CCDC91: variants seen among roughly 807,000 people sequenced by gnomAD.
CCDC91 encodes the protein coiled-coil domain-containing protein 91.
CCDC91 carries 48 observed loss-of-function variants against 63.2 expected under a neutral mutation model. The ratio of observed to expected loss-of-function variants is 0.76; its 90% confidence interval spans 0.60 to 0.97. The LOEUF is 0.97. CCDC91 is among the 50% of genes least tolerant of loss of function. CCDC91 has a pLI of 0.00. For missense variants in CCDC91, 500 were observed against 494.6 expected, an observed-to-expected ratio of 1.01 and a Z score of -0.10; for synonymous variants, 167 against 165.8, an observed-to-expected ratio of 1.01 and a Z score of -0.06.
chr12:28,293,364 A>G (rs1592225675), intron 3 of CCDC91, among the ~76,000 whole-genome samples: 2 of 152,214 alleles, frequency 1.3e-5, no homozygotes, highest in South Asian at 4.1e-4. Context: ...ATATTCACAT[A>G]CTGTAACTAG....
chr12:28,430,038 T>A (rs10843168), intron 8 of CCDC91, among the ~76,000 whole-genome samples: 31,082 of 151,906 alleles, frequency 0.2, 4,168 homozygotes, highest in Non-Finnish European at 0.3. Flanking sequence ...TTTTGTTGGG[T>A]GTCTTAGTAC....
At chr12:28,227,346 A>G (rs184843852) in intron 1 of CCDC91, among the ~76,000 whole-genome samples, 1 of 152,188 alleles carries the variant, frequency 6.6e-6, no homozygotes, top group African/African-American at 2.4e-5. Context: ...ATGACCATGG[A>G]TATTTATTTT....
At chr12:28,325,479 T>C (rs1940903102) in intron 6 of CCDC91, among the ~76,000 whole-genome samples, 1 of 152,002 alleles carries the variant, frequency 6.6e-6, no homozygotes, top group African/African-American at 2.4e-5. Context: ...AGAAAGACAG[T>C]GTTTAATAAA....
chr12:28,362,597 A>C (rs557163337), intron 7 of CCDC91, 82 bp downstream of exon 7: 1 of 742,496 alleles, frequency 1.3e-6, no homozygotes, highest in East Asian at 3.0e-5. Flanking sequence ...GTGCAAACAT[A>C]TACAAATTAT....
Position 28,513,954 on chromosome 12 carries a change from T to A in CCDC91, c.1215+29789T>A, listed in dbSNP as rs180816856. Among the ~76,000 whole-genome samples, 59 of 152,050 alleles carry A rather than the reference T, an allele frequency of 3.9e-4. No individual in the cohort carries two copies. The East Asian group carries it at 0.01, about 26-fold the overall frequency. On this transcript the variant is annotated intron_variant, in intron 12 of 12. Transcript: ENST00000536442. ...GCATGTGTCTTTATGATAGAATGAT[T>A]CATTTTCCTTTGAGTGTATACCTAG...
rs1283899265 is a variant in CCDC91, at chr12:28,476,479, G to A, written c.1102-7573G>A. On this transcript the variant is annotated intron_variant, in intron 11 of 12. Coordinates refer to ENST00000536442, the MANE Select transcript of CCDC91 (RefSeq NM_018318.5). ...GGACACATTTAAAGCATTGTGTAGA[G>A]GGATATTTATAGCACTAAATGCCCA... is the stretch of plus-strand genomic sequence containing the variant. Among the ~76,000 whole-genome samples, 3 of 152,070 alleles carry A rather than the reference G, an allele frequency of 2.0e-5. 1 individual carries two copies. Among genetic ancestry groups the A allele is most frequent in the African/African-American group, 7.2e-5 (3 of 41,398 alleles).
intron 11 of CCDC91, among the ~76,000 whole-genome samples, chr12:28,463,842 G>A (rs1950424343): frequency 6.6e-6 from 1 of 152,104 alleles, no homozygotes; most frequent in Admixed American, 6.6e-5. Flanking sequence ...AGGCTTCACT[G>A]ACCATCCTTC....
At chr12:28,503,480 G>C (rs1191561008) in intron 12 of CCDC91, among the ~76,000 whole-genome samples, 2 of 152,180 alleles carry the variant, frequency 1.3e-5, no homozygotes, top group Non-Finnish European at 1.5e-5. Context: ...CTTTTACACT[G>C]TTGGTGGGAC....
chr12:28,262,460 G>T (rs1467813197), intron 3 of CCDC91, among the ~76,000 whole-genome samples: 2 of 151,946 alleles, frequency 1.3e-5, no homozygotes, highest in African/African-American at 2.4e-5. Flanking sequence ...ACTGCTTCAG[G>T]ACAGGCCAGT....
chr12:28,501,897 C>G (rs1937933749), intron 12 of CCDC91, among the ~76,000 whole-genome samples: 1 of 151,594 alleles, frequency 6.6e-6, no homozygotes, highest in Admixed American at 6.6e-5. Context: ...TGTTATTGGT[C>G]TATTCAGAGA....
chr12:28,405,997 C>T (rs1250837108), intron 8 of CCDC91, among the ~76,000 whole-genome samples: 1 of 151,834 alleles, frequency 6.6e-6, no homozygotes, highest in Non-Finnish European at 1.5e-5. Context: ...CCCTATGCAT[C>T]CCCCTTACGA....
intron 6 of CCDC91, among the ~76,000 whole-genome samples, chr12:28,333,052 A>G (rs997970972): frequency 6.6e-6 from 1 of 152,108 alleles, no homozygotes; most frequent in African/African-American, 2.4e-5. Flanking sequence ...ACAATGCTCT[A>G]CCTGGTATGA....
chr12:28,263,006 A>G (rs750534755), intron 3 of CCDC91, among the ~76,000 whole-genome samples: 1 of 151,986 alleles, frequency 6.6e-6, no homozygotes, highest in Non-Finnish European at 1.5e-5. Context: ...CCAAACTGTG[A>G]TACACATAGT....
intron 12 of CCDC91, among the ~76,000 whole-genome samples, chr12:28,491,815 T>G (rs1952016515): frequency 6.6e-6 from 1 of 151,728 alleles, no homozygotes; most frequent in Non-Finnish European, 1.5e-5. Context: ...TTTTTTTGGC[T>G]TATTATATTG....
At chr12:28,453,568 A>C (rs1949917723) in intron 11 of CCDC91, among the ~76,000 whole-genome samples, 1 of 152,090 alleles carries the variant, frequency 6.6e-6, no homozygotes, top group Non-Finnish European at 1.5e-5. Flanking sequence ...ACACACAGTT[A>C]CCCATTTATT....
chr12:28,215,251 A>G (rs1372842128), intron 1 of CCDC91, among the ~76,000 whole-genome samples: 1 of 152,136 alleles, frequency 6.6e-6, no homozygotes, highest in Non-Finnish European at 1.5e-5. Context: ...GCTTAACATT[A>G]TTGATTCTCC....
rs566933839 is a variant in CCDC91, at chr12:28,457,940, A to T, written c.1101+5286A>T. On this transcript the variant is annotated intron_variant, in intron 11 of 12. Transcript: ENST00000536442. ...AAATCCTGTAAAAGAACTCCAGTGC[A>T]CACAGACACTCAAACTATGTCTGAC... Among the ~76,000 whole-genome samples the T allele has an allele frequency of 6.6e-5, 10 of 152,208 alleles. No individual in the cohort carries two copies. The South Asian group carries it at 2.1e-3, about 32-fold the overall frequency.
At chr12:28,313,698 A>G (rs1417972553) in intron 6 of CCDC91, among the ~76,000 whole-genome samples, 2 of 152,024 alleles carry the variant, frequency 1.3e-5, no homozygotes, top group Admixed American at 6.6e-5. Flanking sequence ...AATACTGTGA[A>G]CTCTATAGTA....
chr12:28,453,354 T>C (rs1239499582), intron 11 of CCDC91, among the ~76,000 whole-genome samples: 1 of 152,024 alleles, frequency 6.6e-6, no homozygotes, highest in African/African-American at 2.4e-5. Context: ...ATAACATTCA[T>C]AGAAGTCTAA....
Sources: gnomAD v4.1 joint callset for allele counts (sites outside exome capture counted in the v4.1 genomes callset) on GRCh38, gnomAD v4.1.1 for gene constraint, MANE v1.5 for transcripts, NCBI Gene and HGNC (gene_info 2026-07-23, HGNC 2026-07-21) for gene names.